FIBCD1: variants seen among roughly 807,000 people sequenced by gnomAD.
The protein encoded by FIBCD1 is fibrinogen C domain containing 1.
Under a neutral mutation model 45.1 loss-of-function variants are expected in FIBCD1, and 47 were observed. The ratio of observed to expected loss-of-function variants is 1.04; its 90% confidence interval spans 0.82 to 1.33. FIBCD1 has a LOEUF of 1.33. Among genes scored for constraint, FIBCD1 ranks in the 40% most tolerant of loss-of-function variants. The probability of loss-of-function intolerance (pLI) is 0.00; values close to 1 mark genes in which losing one functional copy is unlikely to be tolerated. For synonymous variants in FIBCD1, 313 were observed against 308.1 expected, an observed-to-expected ratio of 1.02 and a Z score of -0.17; for missense variants, 653 against 682.2, an observed-to-expected ratio of 0.96 and a Z score of 0.48.
chr9:130,922,149 T>C lies in FIBCD1; in HGVS notation c.849+1595A>G, dbSNP rs1490795185. 6.6e-6 allele frequency among the ~76,000 whole-genome samples: 1 copy of C among 152,106 alleles called. No homozygotes were observed. Among genetic ancestry groups the C allele is most frequent in the African/African-American group, 2.4e-5 (1 of 41,438 alleles). The stretch of plus-strand genomic sequence containing the variant: ...CTTGTTTTGTCTGATGTTAAGCCCT[T>C]CCCCCAGATGTTTGTGGGCCTGGAC... On this transcript the variant is annotated intron_variant, in intron 4 of 6. Coordinates refer to ENST00000372338, the MANE Select transcript of FIBCD1 (RefSeq NM_032843.5). This position sits in a 1 kb window ranked among gnomAD's most constrained non-coding sequence, Gnocchi z 4.5.
At chr9:130,905,442 A>C in intron 5 of FIBCD1, 29 bp from the exon 6 acceptor site, 1 of 1,595,582 alleles carries the variant, frequency 6.3e-7, no homozygotes, top group East Asian at 2.2e-5. Context: ...TGGTGGGAGA[A>C]GCTGAGGGGC....
chr9:130,919,245 G>C (rs1832217419), intron 4 of FIBCD1, among the ~76,000 whole-genome samples: 1 of 152,236 alleles, frequency 6.6e-6, no homozygotes, highest in South Asian at 2.1e-4. Context: ...GGAAATGTGA[G>C]GGTGTTGTCC....
In FIBCD1 at chr9:130,905,414, C is replaced by A. The variant is rs772807818; in HGVS notation, c.947-1G>T. The A allele has an allele frequency of 6.2e-7, 1 of 1,605,730 alleles. No homozygotes were observed. Among genetic ancestry groups the A allele is most frequent in the East Asian group, 2.2e-5 (1 of 44,716 alleles). On this transcript the variant is annotated splice_acceptor_variant, in intron 5 of 6. Transcript: ENST00000372338. LOFTEE classifies it high-confidence loss of function. ...GTCAGGGCGTGGATCCTCTTGAGCC[C>A]TGAAGTTGGGGGGAAAATGGTGGGA... is the stretch of plus-strand genomic sequence containing the variant.
chr9:130,909,629 C>T (rs539743076), intron 5 of FIBCD1, among the ~76,000 whole-genome samples: 1 of 152,142 alleles, frequency 6.6e-6, no homozygotes, highest in Non-Finnish European at 1.5e-5. Flanking sequence ...CAAGCCATAG[C>T]CACTTCCCAA....
intron 1 of FIBCD1, chr9:130,938,197 A>G: frequency 4.1e-6 from 1 of 243,208 alleles, no homozygotes; most frequent in Non-Finnish European, 8.0e-6. Flanking sequence ...ACGGAGACTC[A>G]GCAACGGGGC....
chr9:130,914,654 G>A (rs186567459), intron 4 of FIBCD1, among the ~76,000 whole-genome samples: 5 of 152,344 alleles, frequency 3.3e-5, no homozygotes, highest in African/African-American at 1.2e-4. Context: ...CATCCAGAAT[G>A]AGAGCAAGAA....
chr9:130,904,501 C>T (rs915275274), intron 6 of FIBCD1, among the ~76,000 whole-genome samples, 178 bp from the exon 7 acceptor site: 3 of 152,186 alleles, frequency 2.0e-5, no homozygotes, highest in Admixed American at 6.5e-5. Flanking sequence ...CCCTCCACAC[C>T]CGGGTGTGTC....
intron 5 of FIBCD1, among the ~76,000 whole-genome samples, chr9:130,911,288 A>T (rs1564334022): frequency 6.7e-6 from 1 of 149,988 alleles, no homozygotes; most frequent in Non-Finnish European, 1.5e-5. Flanking sequence ...GAGCTATAAC[A>T]CTCACCACGA....
At chr9:130,938,296 G>C in intron 1 of FIBCD1, 1 of 411,620 alleles carries the variant, frequency 2.4e-6, no homozygotes, top group Non-Finnish European at 4.4e-6. Context: ...GTGCGGGGAC[G>C]CGGGAGACCT....
chr9:130,914,579 A>T (rs11244192), intron 4 of FIBCD1, among the ~76,000 whole-genome samples: 27 of 152,334 alleles, frequency 1.8e-4, no homozygotes, highest in African/African-American at 6.0e-4. Flanking sequence ...GGCGTGCCCA[A>T]CCAGGGGCAG....
upstream of FIBCD1, among the ~76,000 whole-genome samples, chr9:130,939,534 C>T (rs1423685557): frequency 6.6e-6 from 1 of 151,860 alleles, no homozygotes; most frequent in Non-Finnish European, 1.5e-5. Context: ...CTCGCGCCCG[C>T]GGTCGGAAAG....
intron 4 of FIBCD1, among the ~76,000 whole-genome samples, chr9:130,919,307 T>C (rs1032972216): frequency 2.6e-5 from 4 of 152,166 alleles, no homozygotes; most frequent in Non-Finnish European, 5.9e-5. Context: ...CTGAGGACCA[T>C]TCCCCAGGCA....
intron 4 of FIBCD1, among the ~76,000 whole-genome samples, chr9:130,919,606 C>T (rs1200821921): frequency 1.3e-5 from 2 of 152,204 alleles, no homozygotes; most frequent in South Asian, 2.1e-4. Context: ...ATTTTCCTCC[C>T]GGCCTAAAGA....
At chr9:130,912,449 G>A (rs1399253441) in intron 4 of FIBCD1, among the ~76,000 whole-genome samples, 1 of 149,070 alleles carries the variant, frequency 6.7e-6, no homozygotes, top group Non-Finnish European at 1.5e-5. Flanking sequence ...ACTCCCGCCT[G>A]TAATCCCAGA....
At chr9:130,914,247 C>A (rs1044660414) in intron 4 of FIBCD1, among the ~76,000 whole-genome samples, 2 of 152,218 alleles carry the variant, frequency 1.3e-5, no homozygotes, top group Non-Finnish European at 2.9e-5. Context: ...GGGTCTGTCC[C>A]AGCCTCTCAT....
intron 2 of FIBCD1, 70 bp from the exon 3 acceptor site, chr9:130,924,466 T>C (rs916498989): frequency 2.8e-6 from 4 of 1,442,288 alleles, no homozygotes; most frequent in Non-Finnish European, 3.8e-6. Flanking sequence ...ACATAGCAGG[T>C]CACTGGCCAG....
intron 4 of FIBCD1, among the ~76,000 whole-genome samples, chr9:130,912,409 A>C (rs986525815): frequency 6.7e-6 from 1 of 148,832 alleles, no homozygotes; most frequent in African/African-American, 2.5e-5. Context: ...AAAAAAAAAA[A>C]AAAAAAAGTG....
intron 4 of FIBCD1, among the ~76,000 whole-genome samples, chr9:130,912,302 A>G (rs939217465): frequency 6.7e-6 from 1 of 149,226 alleles, no homozygotes; most frequent in African/African-American, 2.5e-5. Context: ...GCTACTTGAG[A>G]GGCTGAGGCA....
chr9:130,910,910 TCTAA>T (rs1337037006), intron 5 of FIBCD1, among the ~76,000 whole-genome samples: 5 of 152,006 alleles, frequency 3.3e-5, no homozygotes, highest in Admixed American at 6.6e-5. Context: ...ATACTCTGTA[TCTAA>T]CTAATCTGAT....
Sources: gnomAD v4.1 joint callset for allele counts (sites outside exome capture counted in the v4.1 genomes callset) on GRCh38, gnomAD v4.1.1 for gene constraint, Gnocchi (gnomAD v3.1) non-coding constraint, MANE v1.5 for transcripts, NCBI Gene and HGNC (gene_info 2026-07-23, HGNC 2026-07-21) for gene names.